LRP1B: variants seen among roughly 807,000 people sequenced by gnomAD.
LRP1B encodes the protein LDL receptor related protein 1B.
LRP1B carries 217 observed loss-of-function variants against 556.6 expected under a neutral mutation model. The ratio of observed to expected loss-of-function variants is 0.39; its 90% confidence interval spans 0.35 to 0.44. LRP1B has a LOEUF of 0.44. LRP1B is among the 20% of genes least tolerant of loss of function. The probability of loss-of-function intolerance (pLI) is 1.00; values close to 1 mark genes in which losing one functional copy is unlikely to be tolerated. For missense variants in LRP1B, 5,053 were observed against 5,620.8 expected (o/e 0.90, Z 3.23); for synonymous variants, 2,047 against 1,865.8 (o/e 1.10, Z -2.50).
intron 2 of LRP1B, among the ~76,000 whole-genome samples, chr2:141,774,317 G>A (rs1694989630): frequency 1.3e-5 from 2 of 152,128 alleles, no homozygotes; most frequent in South Asian, 2.1e-4. Context: ...TACTTCTGGT[G>A]AGGCCCTCCA....
chr2:140,573,560 C>T (rs1681408806), intron 43 of LRP1B, among the ~76,000 whole-genome samples: 2 of 151,934 alleles, frequency 1.3e-5, no homozygotes, highest in Admixed American at 1.3e-4. Flanking sequence ...TGATAGAATG[C>T]ACTGAGTTTT....
intron 37 of LRP1B, among the ~76,000 whole-genome samples, chr2:140,710,349 TATC>T (rs1301665480): frequency 1.3e-5 from 2 of 151,976 alleles, no homozygotes; most frequent in Non-Finnish European, 2.9e-5. Context: ...GGAAAAGAGA[TATC>T]ATATTTAAGA....
chr2:140,922,673 T>A (rs917136088), intron 21 of LRP1B, among the ~76,000 whole-genome samples: 3 of 151,854 alleles, frequency 2.0e-5, no homozygotes, highest in Non-Finnish European at 2.9e-5. Flanking sequence ...AATAAACAAA[T>A]AAATTAATTA....
At position 141,062,284 on chromosome 2, in the gene LRP1B, A is replaced by C; in HGVS notation, c.1014-11T>G. On this transcript the variant is annotated splice_polypyrimidine_tract_variant and intron_variant, in intron 7 of 90. Transcript: ENST00000389484. Reference sequence around the variant, plus strand: ...GTAAAGAAAAGTTTTCTGTTGAAAGAAAACTAAATGTTAAAGTGGAGGGTG... The same window carrying C: ...GTAAAGAAAAGTTTTCTGTTGAAAGCAAACTAAATGTTAAAGTGGAGGGTG... 6.3e-7 allele frequency: 1 copy of C among 1,591,488 alleles called. No individual in the cohort carries two copies. The highest frequency in any genetic ancestry group is 8.6e-7 in the Non-Finnish European group (1 of 1,165,696).
At chr2:141,405,008 G>A (rs1404898269) in intron 3 of LRP1B, among the ~76,000 whole-genome samples, 2 of 151,992 alleles carry the variant, frequency 1.3e-5, no homozygotes, top group East Asian at 3.9e-4. Flanking sequence ...AGGAGAATGG[G>A]GTGAACTCGG....
intron 41 of LRP1B, among the ~76,000 whole-genome samples, chr2:140,686,645 T>A (rs1402971070): frequency 6.6e-6 from 1 of 152,044 alleles, no homozygotes; most frequent in Non-Finnish European, 1.5e-5. Flanking sequence ...GGCATTTACA[T>A]ACAACAGGAA....
chr2:141,096,621 G>GGGGAGA (rs1700312767), intron 7 of LRP1B, among the ~76,000 whole-genome samples: 1 of 39,894 alleles, frequency 2.5e-5, no homozygotes, highest in African/African-American at 9.4e-5. Context: ...ACAAAGACGG[G>GGGGAGA]GAGAGGGGGA....
intron 83 of LRP1B, among the ~76,000 whole-genome samples, chr2:140,306,136 A>C (rs1460138471): frequency 1.4e-5 from 2 of 144,906 alleles, no homozygotes; most frequent in South Asian, 2.2e-4. Context: ...TGTCTCTGCC[A>C]GGCTTTGGTA....
chr2:140,949,805 T>G (rs528705823), intron 20 of LRP1B, among the ~76,000 whole-genome samples: 2 of 151,700 alleles, frequency 1.3e-5, no homozygotes, highest in East Asian at 3.9e-4. Context: ...CCGGGCATGG[T>G]GGCAGGTGCC....
intron 1 of LRP1B, among the ~76,000 whole-genome samples, chr2:141,858,124 C>CA (rs1275607814): frequency 6.6e-6 from 1 of 151,776 alleles, no homozygotes; most frequent in Non-Finnish European, 1.5e-5. Flanking sequence ...TATTTAGGAT[C>CA]TTCAGGAAAA....
At chr2:141,986,257 TTTATG>T (rs1463784468) in intron 1 of LRP1B, among the ~76,000 whole-genome samples, 1 of 151,962 alleles carries the variant, frequency 6.6e-6, no homozygotes, top group African/African-American at 2.4e-5. Context: ...GATGGTAAAT[TTTATG>T]TTATATTTTA....
chr2:141,373,223 T>G (rs1689298571), intron 3 of LRP1B, among the ~76,000 whole-genome samples: 1 of 152,090 alleles, frequency 6.6e-6, no homozygotes, highest in African/African-American at 2.4e-5. Flanking sequence ...CTTGATGTGA[T>G]TTCAATTTTT....
At chr2:141,033,540 C>CA (rs70991133) in intron 11 of LRP1B, among the ~76,000 whole-genome samples, 36,569 of 148,958 alleles carry the variant, frequency 0.25, 4,467 homozygotes, top group East Asian at 0.37. Context: ...TCCTGTCCCT[C>CA]AAAAAAAAAA....
At chr2:141,893,135 T>C (rs1251555070) in intron 1 of LRP1B, among the ~76,000 whole-genome samples, 1 of 152,190 alleles carries the variant, frequency 6.6e-6, no homozygotes, top group Non-Finnish European at 1.5e-5. Context: ...ATTTTGAAAA[T>C]AATTTTTTAT....
At chr2:140,916,538 C>T (rs937142503) in intron 21 of LRP1B, among the ~76,000 whole-genome samples, 3 of 152,268 alleles carry the variant, frequency 2.0e-5, no homozygotes, top group East Asian at 3.9e-4. Context: ...AGTTCTGTTA[C>T]ATTCTTCTGC....
intron 4 of LRP1B, among the ~76,000 whole-genome samples, chr2:141,254,119 T>C (rs1684371655): frequency 6.6e-6 from 1 of 152,128 alleles, no homozygotes; most frequent in Non-Finnish European, 1.5e-5. Context: ...AAATGCCAGC[T>C]GCCAGAATAA....
chr2:141,898,798 C>A (rs1013950023), intron 1 of LRP1B, among the ~76,000 whole-genome samples: 1 of 152,072 alleles, frequency 6.6e-6, no homozygotes, highest in Non-Finnish European at 1.5e-5. Flanking sequence ...CTATAAAGCC[C>A]TTTCCATTTG....
Position 141,378,492 on chromosome 2 carries a change from T to C in LRP1B, c.343+101904A>G, listed in dbSNP as rs184185659. 1.2e-4 allele frequency among the ~76,000 whole-genome samples: 19 copies of C among 152,214 alleles called. No homozygotes were observed. The South Asian group carries it at 3.1e-3, about 25-fold the overall frequency. ...GAGTTCAAGACCAGCATAGGAAACA[T>C]AGTGAGAAACCATCTCTAAACAAGT... On this transcript the variant is annotated intron_variant, in intron 3 of 90. Coordinates refer to ENST00000389484, the MANE Select transcript of LRP1B (RefSeq NM_018557.3).
chr2:141,831,827 A>G (rs1398996516), intron 1 of LRP1B, among the ~76,000 whole-genome samples: 4 of 151,696 alleles, frequency 2.6e-5, no homozygotes, highest in Admixed American at 2.6e-4. Flanking sequence ...CAGAACAAAA[A>G]ATTGGGCTTT....
Sources: gnomAD v4.1 joint callset for allele counts (sites outside exome capture counted in the v4.1 genomes callset) on GRCh38, gnomAD v4.1.1 for gene constraint, MANE v1.5 for transcripts, NCBI Gene and HGNC (gene_info 2026-07-23, HGNC 2026-07-21) for gene names.